Variants in TGFBR3 observed in about 807,000 individuals in gnomAD.
TGFBR3 encodes the protein transforming growth factor beta receptor 3.
TGFBR3 carries 46 observed loss-of-function variants against 87.9 expected under a neutral mutation model. That is an observed-to-expected ratio of 0.52 (90% CI 0.41 to 0.67). The LOEUF is 0.67. Among genes scored for constraint, TGFBR3 ranks in the 30% least tolerant of loss-of-function variants. The pLI is 0.00. For synonymous variants in TGFBR3, 381 were observed against 391.6 expected, an observed-to-expected ratio of 0.97 and a Z score of 0.32; for missense variants, 866 against 1,041.9, an observed-to-expected ratio of 0.83 and a Z score of 2.32.
In TGFBR3 at chr1:91,683,526, T is replaced by G. The variant is rs534907849; in HGVS notation, c.*213A>C. ...TAGCTTTCTCACATGAATTCTAGTG[T>G]GGTACAGAAGCCCAGGGTCATGTTT... On this transcript the variant is annotated 3_prime_UTR_variant, in exon 17 of 17. Transcript: ENST00000212355. 18 of 694,972 alleles carry G rather than the reference T, an allele frequency of 2.6e-5. No homozygotes were observed. The highest frequency in any genetic ancestry group is 3.4e-5 in the Non-Finnish European group (13 of 381,908). The allele number at this position is 694,972 out of a possible 1,614,324, so 43.1% of individuals were successfully genotyped here.
At chr1:91,752,433 G>T (rs190546145) in intron 4 of TGFBR3, among the ~76,000 whole-genome samples, 101 of 147,292 alleles carry the variant, frequency 6.9e-4, no homozygotes, top group African/African-American at 2.5e-3. Context: ...ATGATAAATG[G>T]CTAGAAAAAA....
In TGFBR3 at chr1:91,708,704, G is replaced by C; in HGVS notation, c.2246C>G (p.Thr749Ser). 1 of 1,614,062 alleles carries C rather than the reference G, an allele frequency of 6.2e-7. No homozygotes were observed. Among genetic ancestry groups the C allele is most frequent in the Non-Finnish European group, 8.5e-7 (1 of 1,179,952 alleles). ...WAMMQNKKTF[T>S]KPLAVIHHEA... is the part of the protein sequence containing the mutation. ...ATGGTGGATCACAGCAAGGGGCTTA[G>C]TGAACGTCTTCTTATTCTGCATCAT... The change falls in exon 14 of 17, where the codon ACT becomes AGT. Residue 749 changes from threonine (T) to serine (S), a missense_variant. Thr to Ser is a moderately conservative substitution (Grantham distance 58). Coordinates refer to ENST00000212355, the MANE Select transcript of TGFBR3 (RefSeq NM_003243.5).
At chr1:91,729,120 C>T (rs924839878) in intron 6 of TGFBR3, among the ~76,000 whole-genome samples, 20 of 115,692 alleles carry the variant, frequency 1.7e-4, no homozygotes, top group Non-Finnish European at 1.7e-5. Flanking sequence ...ATGGCTCTTT[C>T]GTATGTCACC....
At chr1:91,684,423 G>GT (rs769451260) in intron 16 of TGFBR3, among the ~76,000 whole-genome samples, 14 of 152,198 alleles carry the variant, frequency 9.2e-5, no homozygotes, top group Non-Finnish European at 1.9e-4. Flanking sequence ...AGAAACCGGG[G>GT]TGGGGGATAG....
chr1:91,696,286 T>C (rs1019522047), intron 15 of TGFBR3, among the ~76,000 whole-genome samples: 3 of 152,200 alleles, frequency 2.0e-5, no homozygotes, highest in Non-Finnish European at 4.4e-5. Flanking sequence ...GTATGAAAGA[T>C]AACAGAAAGA....
At position 91,875,795 on chromosome 1, in the gene TGFBR3, G is replaced by T. The variant is rs1557757407; in HGVS notation, c.-114+10083C>A. Reference sequence around the variant, plus strand: ...CCCAGCTACTCGGGCGGGGGGGGGGGGTGGGAGTGTGCAGCTGAGGGAGGA... The same window carrying T: ...CCCAGCTACTCGGGCGGGGGGGGGGTGTGGGAGTGTGCAGCTGAGGGAGGA... On this transcript the variant is annotated intron_variant, in intron 1 of 16. Coordinates refer to ENST00000212355, the MANE Select transcript of TGFBR3 (RefSeq NM_003243.5). 4.1e-5 allele frequency among the ~76,000 whole-genome samples: 2 copies of T among 48,552 alleles called. 1 individual carries two copies. Among genetic ancestry groups the T allele is most frequent in the African/African-American group, 1.3e-4 (2 of 15,478 alleles). 31.9% of individuals were successfully genotyped at this position (48,552 alleles called of 152,430 possible). A position where few individuals can be genotyped will look rare whatever the true frequency, so the allele number is the denominator to read the frequency against.
intron 4 of TGFBR3, among the ~76,000 whole-genome samples, chr1:91,741,949 C>T (rs377402369): frequency 1.1e-4 from 16 of 152,256 alleles, no homozygotes; most frequent in Admixed American, 5.9e-4. Flanking sequence ...CTTAACATGG[C>T]GCATGACTGA....
intron 13 of TGFBR3, among the ~76,000 whole-genome samples, chr1:91,711,217 CTAAA>C (rs1163474567): frequency 6.6e-6 from 1 of 152,190 alleles, no homozygotes; most frequent in East Asian, 1.9e-4. Flanking sequence ...GGAATATAGT[CTAAA>C]TCACTGTATA....
intron 2 of TGFBR3, among the ~76,000 whole-genome samples, chr1:91,854,262 A>AC (rs1677854457): frequency 6.6e-6 from 1 of 152,016 alleles, no homozygotes; most frequent in Admixed American, 6.6e-5. Context: ...CCACTCACCT[A>AC]CCCCTCTAGG....
At chr1:91,834,690 GGTTTTTAAGACAGA>G (rs1557735573) in intron 2 of TGFBR3, among the ~76,000 whole-genome samples, 2 of 152,128 alleles carry the variant, frequency 1.3e-5, no homozygotes, top group Non-Finnish European at 2.9e-5. Flanking sequence ...GGTTTGGTTT[GGTTTTTAAGACAGA>G]GTCTTGCTCT....
Position 91,729,825 on chromosome 1 carries a change from G to A in TGFBR3, c.717C>T (p.Thr239=). ...NEEVHIIELI[T]PNSNPYSAFQ... Reference sequence around the variant, plus strand: ...CTTACCTGTAGGGGTTAGAGTTGGGGGTGATTAGCTCGATGATGTGTACTT... The same window carrying A: ...CTTACCTGTAGGGGTTAGAGTTGGGAGTGATTAGCTCGATGATGTGTACTT... The change falls in exon 6 of 17, where the codon ACC becomes ACT. Residue 239 remains threonine, a synonymous_variant. Coordinates refer to ENST00000212355, the MANE Select transcript of TGFBR3 (RefSeq NM_003243.5). 1.2e-6 allele frequency: 2 copies of A among 1,614,114 alleles called. No individual in the cohort carries two copies. The highest frequency in any genetic ancestry group is 8.5e-7 in the Non-Finnish European group (1 of 1,179,994).
chr1:91,704,195 G>A (rs1486233612), intron 14 of TGFBR3, among the ~76,000 whole-genome samples: 1 of 152,076 alleles, frequency 6.6e-6, no homozygotes, highest in East Asian at 1.9e-4. Context: ...GGGTGTGGTG[G>A]CAGGTGCCTG....
intron 1 of TGFBR3, among the ~76,000 whole-genome samples, chr1:91,904,287 GA>G (rs1218761285): frequency 7.1e-6 from 1 of 141,748 alleles, no homozygotes; most frequent in Non-Finnish European, 1.5e-5. Flanking sequence ...TCAGGGCTTG[GA>G]TTTTTTTTTT....
chr1:91,764,617 G>A (rs1424817257), intron 3 of TGFBR3, among the ~76,000 whole-genome samples: 1 of 152,276 alleles, frequency 6.6e-6, no homozygotes, highest in Middle Eastern at 3.4e-3. Context: ...ACCCTGATGT[G>A]TGGGTGGTTC....
At position 91,703,825 on chromosome 1, in the gene TGFBR3, T is replaced by G. The variant is rs575555889; in HGVS notation, c.2287+4838A>C. On this transcript the variant is annotated intron_variant, in intron 14 of 16. Coordinates refer to ENST00000212355, the MANE Select transcript of TGFBR3 (RefSeq NM_003243.5). ...ATAAACCATAATATGCATAAACTAT[T>G]TATGTTCTCTGGGCTTTCTGAGTTA... Among the ~76,000 whole-genome samples the G allele has an allele frequency of 8.5e-5, 13 of 152,354 alleles. No individual in the cohort carries two copies. In the East Asian group the frequency reaches 2.5e-3, roughly 29 times the overall value.
intron 12 of TGFBR3, among the ~76,000 whole-genome samples, chr1:91,715,731 T>C (rs1672141150): frequency 1.3e-5 from 2 of 152,172 alleles, no homozygotes; most frequent in African/African-American, 2.4e-5. Context: ...TCATGAGTTA[T>C]AATAGCACAT....
chr1:91,854,784 T>G (rs1677875033), intron 2 of TGFBR3, among the ~76,000 whole-genome samples: 1 of 152,184 alleles, frequency 6.6e-6, no homozygotes, highest in Non-Finnish European at 1.5e-5. Context: ...GATTTGTTGG[T>G]GCAGTTTGTC....
At chr1:91,853,584 C>T (rs2101155522) in intron 2 of TGFBR3, among the ~76,000 whole-genome samples, 1 of 152,254 alleles carries the variant, frequency 6.6e-6, no homozygotes, top group East Asian at 1.9e-4. Flanking sequence ...GAATACTATA[C>T]AGCCTTAAAA....
At chr1:91,846,818 C>T (rs1017371403) in intron 2 of TGFBR3, among the ~76,000 whole-genome samples, 1 of 152,062 alleles carries the variant, frequency 6.6e-6, no homozygotes, top group African/African-American at 2.4e-5. Flanking sequence ...ACCTCAGTCA[C>T]GTGGGAAATC....
Sources: allele counts gnomAD v4.1 joint callset (sites outside exome capture counted in the v4.1 genomes callset), GRCh38; gene constraint gnomAD v4.1.1; transcripts MANE v1.5; gene names NCBI Gene and HGNC (gene_info 2026-07-23, HGNC 2026-07-21).